The following SCAPER variants were observed in gnomAD, a reference collection of about 807,000 sequenced individuals.
SCAPER encodes S-phase cyclin A associated protein in the ER.
SCAPER carries 98 observed loss-of-function variants against 182.2 expected under a neutral mutation model. The ratio of observed to expected loss-of-function variants is 0.54; its 90% CI spans 0.46 to 0.64. The LOEUF (loss-of-function observed/expected upper bound fraction) is 0.64. Among genes scored for constraint, SCAPER ranks in the 30% least tolerant of loss-of-function variants. The pLI is 0.00. For missense variants in SCAPER, 1,432 were observed against 1,690.0 expected (o/e 0.85, Z 2.68); for synonymous variants, 605 against 564.6 (o/e 1.07, Z -1.01).
At chr15:76,573,002 T>C (rs988129967) in intron 23 of SCAPER, among the ~76,000 whole-genome samples, 1 of 151,402 alleles carries the variant, frequency 6.6e-6, no homozygotes, top group South Asian at 2.1e-4. Flanking sequence ...ATGAAGGACT[T>C]ACTCTACAGC....
intron 26 of SCAPER, among the ~76,000 whole-genome samples, chr15:76,430,302 T>C (rs2046778130): frequency 2.6e-5 from 4 of 152,140 alleles, no homozygotes; most frequent in Non-Finnish European, 4.4e-5. Context: ...TGGCACCGCA[T>C]AGTGGAGCTG....
intron 25 of SCAPER, among the ~76,000 whole-genome samples, chr15:76,450,792 G>A (rs975063250): frequency 5.9e-5 from 9 of 152,144 alleles, no homozygotes; most frequent in Admixed American, 1.3e-4. Context: ...TGGGCTCAGC[G>A]ATCCATGCAC....
At position 76,665,809 on chromosome 15, in the gene SCAPER, A is replaced by G; in HGVS notation, c.2509-20T>C. ...ATGCTCCTGCAAGATAAATAAATAA[A>G]ATAATAATAATGAGGATGATCATTT... On this transcript the variant is annotated intron_variant, in intron 20 of 31. Transcript: ENST00000563290. The G allele has an allele frequency of 6.8e-7, 1 of 1,473,304 alleles. No individual in the cohort carries two copies. The highest frequency in any genetic ancestry group is 1.4e-5 in the South Asian group (1 of 72,456). 91.3% of individuals were successfully genotyped at this position (1,473,304 alleles called of 1,614,324 possible). A position where few individuals can be genotyped will look rare whatever the true frequency, so the allele number is the denominator to read the frequency against.
intron 21 of SCAPER, among the ~76,000 whole-genome samples, chr15:76,637,569 G>T: frequency 6.6e-6 from 1 of 151,726 alleles, no homozygotes; most frequent in Non-Finnish European, 1.5e-5. Flanking sequence ...AGCCAGGTAT[G>T]GTGGTGCGTG....
chr15:76,888,014 G>A (rs2073945252), intron 1 of SCAPER, among the ~76,000 whole-genome samples: 2 of 152,232 alleles, frequency 1.3e-5, no homozygotes. Flanking sequence ...TGCAGCCTCT[G>A]CTGGTGATAC....
intron 26 of SCAPER, 148 bp downstream of exon 26, chr15:76,433,930 T>C (rs2047025466): frequency 1.6e-6 from 1 of 638,676 alleles, no homozygotes. Flanking sequence ...ATCTGAGAAA[T>C]ATTTACAAGG....
intron 20 of SCAPER, 141 bp downstream of exon 20, chr15:76,701,617 A>C (rs541528425): frequency 1.7e-6 from 1 of 587,432 alleles, no homozygotes; most frequent in East Asian, 2.9e-5. Flanking sequence ...ACATTTGTAC[A>C]CTATATTGTA....
chr15:76,559,201 A>ATTTTTTTTTTTTTT (rs58642207), intron 23 of SCAPER, among the ~76,000 whole-genome samples: 2 of 121,824 alleles, frequency 1.6e-5, no homozygotes, highest in African/African-American at 7.5e-5. Flanking sequence ...CACCCAGCTA[A>ATTTTTTTTTTTTTT]TTTTTTTTTT....
At chr15:76,648,500 G>C (rs1185035468) in intron 21 of SCAPER, among the ~76,000 whole-genome samples, 1 of 152,070 alleles carries the variant, frequency 6.6e-6, no homozygotes, top group Non-Finnish European at 1.5e-5. Flanking sequence ...CCAAATTTGG[G>C]GTAAAATATA....
chr15:76,474,589 C>G (rs2050469191), intron 24 of SCAPER, among the ~76,000 whole-genome samples: 1 of 152,128 alleles, frequency 6.6e-6, no homozygotes, highest in African/African-American at 2.4e-5. Context: ...ACTGGAATAT[C>G]TAAACTTTGT....
chr15:76,448,716 T>C (rs1310644538), intron 25 of SCAPER, among the ~76,000 whole-genome samples: 1 of 152,140 alleles, frequency 6.6e-6, no homozygotes. Flanking sequence ...GGAGATTTTC[T>C]ACAAACCAAA....
chr15:76,656,670 C>A (rs769341161), intron 21 of SCAPER, among the ~76,000 whole-genome samples: 1 of 152,042 alleles, frequency 6.6e-6, no homozygotes, highest in African/African-American at 2.4e-5. Context: ...TCAACAAATT[C>A]AAAAACCCAA....
At chr15:76,405,321 T>C (rs2044749940) in intron 26 of SCAPER, among the ~76,000 whole-genome samples, 1 of 151,832 alleles carries the variant, frequency 6.6e-6, no homozygotes, top group Non-Finnish European at 1.5e-5. Context: ...TTGCTATAGC[T>C]GCCCAGGCTC....
chr15:76,357,626 C>G (rs963967206), intron 29 of SCAPER, among the ~76,000 whole-genome samples: 1 of 152,154 alleles, frequency 6.6e-6, no homozygotes, highest in Non-Finnish European at 1.5e-5. Context: ...AAAAAGGATA[C>G]TCACACGTGT....
chr15:76,881,347 C>T (rs555356057), intron 2 of SCAPER, among the ~76,000 whole-genome samples: 6 of 152,164 alleles, frequency 3.9e-5, no homozygotes, highest in Non-Finnish European at 7.3e-5. Context: ...CCAACTGGCT[C>T]GGCCTTCCAA....
rs188935516 is a variant in SCAPER, at chr15:76,858,279, T to C, written c.125-400A>G. Among the ~76,000 whole-genome samples, 5 of 152,322 alleles carry C rather than the reference T, an allele frequency of 3.3e-5. No homozygotes were observed. The East Asian group carries it at 9.6e-4, about 29-fold the overall frequency. On this transcript the variant is annotated intron_variant, in intron 3 of 31. Coordinates refer to ENST00000563290, the MANE Select transcript of SCAPER (RefSeq NM_020843.4). ...CATTTCAACAATAAAATTAAGACTA[T>C]ATGTTTTCTATATAAAACCCCAATA... is the stretch of plus-strand genomic sequence containing the variant.
intron 21 of SCAPER, among the ~76,000 whole-genome samples, chr15:76,644,057 C>CT (rs759908189): frequency 6.6e-6 from 1 of 152,086 alleles, no homozygotes; most frequent in Non-Finnish European, 1.5e-5. Flanking sequence ...AATTAGTATT[C>CT]TTTGAGTTCT....
chr15:76,680,411 G>GATGATAATAATA (rs1032738002), intron 20 of SCAPER, among the ~76,000 whole-genome samples: 6 of 142,592 alleles, frequency 4.2e-5, no homozygotes, highest in African/African-American at 1.3e-4. Flanking sequence ...TGATGATGAT[G>GATGATAATAATA]ATAATAATAA....
At chr15:76,676,046 A>G (rs1447320830) in intron 20 of SCAPER, among the ~76,000 whole-genome samples, 1 of 152,148 alleles carries the variant, frequency 6.6e-6, no homozygotes, top group Non-Finnish European at 1.5e-5. Context: ...GCTGGTCTCG[A>G]ACTCCTGACC....
Sources: allele counts gnomAD v4.1 joint callset (sites outside exome capture counted in the v4.1 genomes callset), GRCh38; gene constraint gnomAD v4.1.1; transcripts MANE v1.5; gene names NCBI Gene and HGNC (gene_info 2026-07-23, HGNC 2026-07-21).